Variants in PCDH15 observed in about 807,000 individuals in gnomAD.
PCDH15 encodes protocadherin-15.
Under a neutral mutation model 178.5 loss-of-function variants are expected in PCDH15, and 129 were observed. The observed-to-expected ratio is 0.72, with a 90% CI of 0.63 to 0.84. PCDH15 has a LOEUF of 0.84. Ranked by LOEUF, PCDH15 falls within the 40% of genes least tolerant of loss-of-function variation. The pLI is 0.00. For synonymous variants in PCDH15, 800 were observed against 732.0 expected, an observed-to-expected ratio of 1.09 and a Z score of -1.50; for missense variants, 2,230 against 2,099.9, an observed-to-expected ratio of 1.06 and a Z score of -1.21.
At chr10:54,473,389 A>G (rs930140071) in intron 3 of PCDH15, among the ~76,000 whole-genome samples, 13 of 152,130 alleles carry the variant, frequency 8.5e-5, no homozygotes, top group African/African-American at 2.9e-4. Flanking sequence ...GAGAAATACT[A>G]GGGTAAGCAA....
chr10:55,124,648 A>G (rs1837852782), intron 2 of PCDH15, among the ~76,000 whole-genome samples: 1 of 152,118 alleles, frequency 6.6e-6, no homozygotes, highest in Non-Finnish European at 1.5e-5. Flanking sequence ...TATCACATTT[A>G]AGGTGAAAAT....
intron 3 of PCDH15, among the ~76,000 whole-genome samples, chr10:54,848,558 G>C (rs1313942190): frequency 1.3e-5 from 2 of 151,912 alleles, no homozygotes; most frequent in Non-Finnish European, 2.9e-5. Context: ...CAGCAAGAAG[G>C]CTTTCACCAA....
intron 2 of PCDH15, among the ~76,000 whole-genome samples, chr10:54,657,143 G>A (rs767070675): frequency 3.3e-5 from 5 of 152,210 alleles, no homozygotes; most frequent in Non-Finnish European, 7.3e-5. Context: ...GGTAGCTGCC[G>A]GAGGGGCATA....
intron 2 of PCDH15, among the ~76,000 whole-genome samples, chr10:55,417,967 A>G (rs748015167): frequency 1.3e-5 from 2 of 151,738 alleles, no homozygotes; most frequent in Non-Finnish European, 3.0e-5. Flanking sequence ...CATTGTGCAT[A>G]TATAAAGAAA....
At chr10:54,464,455 T>C (rs574523909) in intron 3 of PCDH15, among the ~76,000 whole-genome samples, 67 of 152,318 alleles carry the variant, frequency 4.4e-4, no homozygotes, top group Non-Finnish European at 5.9e-4. Context: ...TGAGAGGAAC[T>C]AGGAGTTTAT....
At chr10:53,859,277 C>A (rs2078952938) in intron 27 of PCDH15, among the ~76,000 whole-genome samples, 1 of 152,120 alleles carries the variant, frequency 6.6e-6, no homozygotes, top group African/African-American at 2.4e-5. Flanking sequence ...GAAGCACTTC[C>A]TAATTCCACC....
intron 1 of PCDH15, among the ~76,000 whole-genome samples, chr10:54,709,627 T>G (rs185557840): frequency 7.0e-6 from 1 of 141,850 alleles, no homozygotes; most frequent in African/African-American, 2.6e-5. Flanking sequence ...TATATATATA[T>G]AAAATCACTT....
rs538294687 is a variant in PCDH15, at chr10:55,478,064, T to TA, written c.-156+149560dup. Among the ~76,000 whole-genome samples the TA allele has an allele frequency of 2.3e-3, 349 of 151,450 alleles. 2 individuals carry two copies. The highest frequency in any genetic ancestry group is 6.8e-3 in the Middle Eastern group (2 of 294). Reference sequence around the variant, plus strand: ...TATATCAAATAAAATGGACTTTAAGTAAAAAAACTATAAAAAGATGGAAAA... The same window carrying TA: ...TATATCAAATAAAATGGACTTTAAGTAAAAAAAACTATAAAAAGATGGAAAA... On this transcript the variant is annotated intron_variant, in intron 2 of 5. Transcript: ENST00000613346.
At chr10:53,876,936 C>T (rs2080291000) in intron 26 of PCDH15, among the ~76,000 whole-genome samples, 1 of 152,010 alleles carries the variant, frequency 6.6e-6, no homozygotes, top group Non-Finnish European at 1.5e-5. Flanking sequence ...GGCTGGGTTT[C>T]GGTTAGAATT....
At chr10:54,859,702 A>AT (rs956812889) in intron 3 of PCDH15, among the ~76,000 whole-genome samples, 2 of 126,010 alleles carry the variant, frequency 1.6e-5, no homozygotes, top group African/African-American at 6.0e-5. Flanking sequence ...AGGTTAAGTA[A>AT]TTTGAAACCT....
intron 3 of PCDH15, among the ~76,000 whole-genome samples, chr10:54,806,353 G>A (rs1244403340): frequency 1.3e-5 from 2 of 152,098 alleles, no homozygotes; most frequent in Non-Finnish European, 2.9e-5. Context: ...GTCCAGATCA[G>A]GGTCTCACAG....
At chr10:55,265,911 C>G (rs1842279710) in intron 1 of PCDH15, among the ~76,000 whole-genome samples, 1 of 151,980 alleles carries the variant, frequency 6.6e-6, no homozygotes, top group Non-Finnish European at 1.5e-5. Flanking sequence ...CAGTTTTGTA[C>G]AATAGAGAAA....
intron 2 of PCDH15, among the ~76,000 whole-genome samples, chr10:55,620,227 T>G (rs1328222061): frequency 6.6e-6 from 1 of 152,120 alleles, no homozygotes; most frequent in Non-Finnish European, 1.5e-5. Flanking sequence ...AAAAACATTC[T>G]TAAAGCTAAG....
intron 2 of PCDH15, among the ~76,000 whole-genome samples, chr10:55,504,609 TCAA>T (rs778856581): frequency 1.3e-4 from 19 of 151,216 alleles, no homozygotes; most frequent in East Asian, 1.2e-3. Flanking sequence ...AGAATTTTTC[TCAA>T]CAACTAGAAT....
intron 2 of PCDH15, among the ~76,000 whole-genome samples, chr10:55,110,695 CCTAA>C (rs1439151576): frequency 6.7e-6 from 1 of 150,262 alleles, no homozygotes; most frequent in Non-Finnish European, 1.5e-5. Context: ...GCAAAGACAG[CCTAA>C]CTAAAATATA....
At chr10:54,630,570 C>G (rs1275670605) in intron 2 of PCDH15, among the ~76,000 whole-genome samples, 2 of 152,084 alleles carry the variant, frequency 1.3e-5, no homozygotes, top group Non-Finnish European at 2.9e-5. Flanking sequence ...TAGGACATGG[C>G]ATTCTGGACA....
At chr10:54,551,279 T>G (rs2086576876) in intron 2 of PCDH15, among the ~76,000 whole-genome samples, 1 of 151,982 alleles carries the variant, frequency 6.6e-6, no homozygotes, top group African/African-American at 2.4e-5. Context: ...GGGGACAAAT[T>G]TGCATTCATA....
chr10:54,817,180 C>A (rs1183773223), intron 3 of PCDH15, among the ~76,000 whole-genome samples: 7 of 151,836 alleles, frequency 4.6e-5, no homozygotes, highest in Admixed American at 4.6e-4. Context: ...TCAGTAAAAT[C>A]AGTCTTAGAA....
At chr10:54,994,822 T>A (rs912889855) in intron 2 of PCDH15, among the ~76,000 whole-genome samples, 16 of 152,098 alleles carry the variant, frequency 1.1e-4, no homozygotes, top group Admixed American at 3.9e-4. Flanking sequence ...TATTTGCGCT[T>A]CTTCTACTGC....
Sources: gnomAD v4.1 joint callset for allele counts (sites outside exome capture counted in the v4.1 genomes callset) on GRCh38, gnomAD v4.1.1 for gene constraint, MANE v1.5 for transcripts, NCBI Gene and HGNC (gene_info 2026-07-23, HGNC 2026-07-21) for gene names.